The following LAMA2 variants were observed in gnomAD, a reference collection of about 807,000 sequenced individuals.
LAMA2 encodes the protein laminin subunit alpha-2.
A neutral mutation model predicts 364.8 loss-of-function variants in LAMA2; 269 were observed. The observed-to-expected ratio is 0.74, with a 90% CI of 0.67 to 0.82. The LOEUF (loss-of-function observed/expected upper bound fraction) is 0.82. Among genes scored for constraint, LAMA2 ranks in the 40% least tolerant of loss-of-function variants. The pLI, the probability that LAMA2 is intolerant of heterozygous loss-of-function variation, is 0.00. For synonymous variants in LAMA2, 1,379 were observed against 1,370.6 expected, an observed-to-expected ratio of 1.01 and a Z score of -0.14; for missense variants, 3,807 against 3,873.2, an observed-to-expected ratio of 0.98 and a Z score of 0.45.
rs2114849074 is a variant in LAMA2 at position 129,486,564 on chromosome 6, G to C, written c.7840G>C (p.Glu2614Gln). Residue 2614 changes from glutamate (E) to glutamine (Q), a missense_variant, in exon 56 of 65, where the codon GAG becomes CAG. Physicochemically the swap from Glu to Gln is conservative, Grantham distance 29. Transcript: ENST00000421865. ...RTMRKIVIRP[E>Q]PNLFHDGREH... The stretch of plus-strand genomic sequence containing the variant: ...AATGAGGAAAATTGTGATCAGACCA[G>C]AGCCGAATCTGTTTCATGATGGAAG... 2.5e-6 allele frequency: 4 copies of C among 1,614,050 alleles called. No homozygotes were observed. Among genetic ancestry groups the C allele is most frequent in the Non-Finnish European group, 3.4e-6 (4 of 1,179,936 alleles).
At chr6:129,051,636 T>C (rs1261457359) in intron 2 of LAMA2, among the ~76,000 whole-genome samples, 1 of 146,566 alleles carries the variant, frequency 6.8e-6, no homozygotes, top group Non-Finnish European at 1.5e-5. Flanking sequence ...ATATATTATA[T>C]GTAGAGAGAT....
intron 29 of LAMA2, among the ~76,000 whole-genome samples, chr6:129,333,746 G>A (rs1051147307): frequency 6.6e-6 from 1 of 152,078 alleles, no homozygotes; most frequent in Admixed American, 6.5e-5. Flanking sequence ...TATGTCTTAT[G>A]CAATCTTCAC....
chr6:129,335,857 G>A (rs940737745), intron 29 of LAMA2, among the ~76,000 whole-genome samples: 3 of 152,076 alleles, frequency 2.0e-5, no homozygotes, highest in Admixed American at 1.3e-4. Flanking sequence ...TTCTCCAGAC[G>A]GCAAGAGAGT....
intron 12 of LAMA2, among the ~76,000 whole-genome samples, chr6:129,247,381 G>C (rs1443701625): frequency 1.3e-5 from 2 of 152,176 alleles, no homozygotes; most frequent in African/African-American, 4.8e-5. Flanking sequence ...AGCCTGGGAG[G>C]AGGAGGTTGC....
At chr6:129,106,335 A>G (rs2114889925) in intron 4 of LAMA2, among the ~76,000 whole-genome samples, 1 of 152,296 alleles carries the variant, frequency 6.6e-6, no homozygotes, top group South Asian at 2.1e-4. Context: ...GTATTAAAAA[A>G]TGTTTCAGAA....
chr6:129,131,131 G>A (rs1777451568), intron 4 of LAMA2, among the ~76,000 whole-genome samples: 2 of 152,128 alleles, frequency 1.3e-5, no homozygotes, highest in Non-Finnish European at 1.5e-5. Context: ...CTGTGAACTT[G>A]GCAGCAAATG....
At position 129,194,551 on chromosome 6, in the gene LAMA2, C is replaced by T. The variant is rs1306885053; in HGVS notation, c.1782+1698C>T. ...ACCCACAGTGAAGCTCTTCATATTC[C>T]CCTACCGATCATTTTCACATCAAAA... is the stretch of plus-strand genomic sequence containing the variant. On this transcript the variant is annotated intron_variant, in intron 12 of 64. Transcript: ENST00000421865. Among the ~76,000 whole-genome samples the T allele has an allele frequency of 2.0e-5, 3 of 152,242 alleles. No individual in the cohort carries two copies. The East Asian group carries it at 5.8e-4, about 29-fold the overall frequency.
At chr6:129,029,650 G>A (rs193247518) in intron 1 of LAMA2, among the ~76,000 whole-genome samples, 76 of 151,992 alleles carry the variant, frequency 5.0e-4, no homozygotes, top group African/African-American at 1.7e-3. Flanking sequence ...TTTTCTTAAT[G>A]GCTGTTCATA....
chr6:128,987,579 A>G (rs1166680061), intron 1 of LAMA2, among the ~76,000 whole-genome samples: 2 of 152,180 alleles, frequency 1.3e-5, no homozygotes, highest in Non-Finnish European at 2.9e-5. Context: ...TTCTGTTTCC[A>G]TAGGTTCTCC....
At chr6:129,051,344 A>G (rs1787995006) in intron 2 of LAMA2, among the ~76,000 whole-genome samples, 1 of 149,224 alleles carries the variant, frequency 6.7e-6, no homozygotes, top group African/African-American at 2.4e-5. Flanking sequence ...GCAGAATCTC[A>G]CTCTGTCACC....
chr6:129,087,539 G>A (rs2114850697), intron 3 of LAMA2, among the ~76,000 whole-genome samples: 1 of 152,290 alleles, frequency 6.6e-6, no homozygotes, highest in East Asian at 1.9e-4. Flanking sequence ...TTAGGAAAAT[G>A]TGGTTTCCTT....
At chr6:128,891,247 A>G (rs1336045183) in intron 1 of LAMA2, among the ~76,000 whole-genome samples, 4 of 152,254 alleles carry the variant, frequency 2.6e-5, no homozygotes, top group Middle Eastern at 6.8e-3. Context: ...TGAGACAATT[A>G]TAATATTCCA....
In LAMA2 at chr6:129,192,814, C is replaced by T. The variant is rs774243931; in HGVS notation, c.1743C>T (p.Ser581=). ...AGGCCCGGCAAGCCCTGCCGCACAG[C>T]TACTACTGGAGCGCGCCGGCTCCCT... ...NAEARQALPH[S]YYWSAPAPYL... The change falls in exon 12 of 65, where the codon AGC becomes AGT. Residue 581 remains serine (S), a synonymous_variant. Coordinates refer to ENST00000421865, the MANE Select transcript of LAMA2 (RefSeq NM_000426.4). 6.2e-7 allele frequency: 1 copy of T among 1,614,186 alleles called. No homozygotes were observed. Among genetic ancestry groups the T allele is most frequent in the Admixed American group, 1.7e-5 (1 of 60,024 alleles).
chr6:128,930,951 C>T (rs1418628448), intron 1 of LAMA2, among the ~76,000 whole-genome samples: 1 of 152,266 alleles, frequency 6.6e-6, no homozygotes, highest in East Asian at 1.9e-4. Flanking sequence ...AAGATGCTCT[C>T]TGCTAGTCCT....
intron 12 of LAMA2, among the ~76,000 whole-genome samples, chr6:129,214,430 C>A (rs889713062): frequency 3.3e-5 from 5 of 152,188 alleles, no homozygotes; most frequent in East Asian, 1.9e-4. Flanking sequence ...CTCAACATCA[C>A]CCCATTAGGA....
intron 1 of LAMA2, among the ~76,000 whole-genome samples, chr6:129,034,721 CATA>C: frequency 6.6e-6 from 1 of 152,166 alleles, no homozygotes; most frequent in African/African-American, 2.4e-5. Context: ...GTGAAAATGT[CATA>C]TTCAATTTTC....
chr6:129,492,949 T>G (rs887551772), intron 58 of LAMA2, among the ~76,000 whole-genome samples: 3 of 152,016 alleles, frequency 2.0e-5, no homozygotes, highest in African/African-American at 7.2e-5. Flanking sequence ...AGCTCAGGAG[T>G]TCGAGACCAG....
chr6:129,497,553 GAGTTGTTATTTAAGAACTAAGACTTAAA>G (rs1362138501), intron 58 of LAMA2, among the ~76,000 whole-genome samples: 5 of 152,180 alleles, frequency 3.3e-5, no homozygotes. Context: ...AGCTTTTTAA[GAGTTGTTATTTAAGAACTAAGACTTAAA>G]AGTTAACTCC....
chr6:129,321,645 A>G (rs567163064), intron 28 of LAMA2, among the ~76,000 whole-genome samples: 1 of 152,328 alleles, frequency 6.6e-6, no homozygotes, highest in Admixed American at 6.5e-5. Flanking sequence ...TCATCACAGC[A>G]CCTGGTGTGT....
Sources: gnomAD v4.1 joint callset for allele counts (sites outside exome capture counted in the v4.1 genomes callset) on GRCh38, gnomAD v4.1.1 for gene constraint, MANE v1.5 for transcripts, NCBI Gene and HGNC (gene_info 2026-07-23, HGNC 2026-07-21) for gene names.